The following RSRP1 variants were observed in gnomAD, a reference collection of about 807,000 sequenced individuals.
RSRP1 encodes arginine/serine-rich protein 1.
RSRP1 carries 37 observed loss-of-function variants against 33.0 expected under a neutral mutation model. The ratio of observed to expected loss-of-function variants is 1.12; its 90% CI spans 0.86 to 1.48. RSRP1 has a LOEUF of 1.48. Ranked by LOEUF, RSRP1 falls within the 40% of genes most tolerant of loss-of-function variation. RSRP1 has a pLI of 0.00. For synonymous variants in RSRP1, 167 were observed against 158.7 expected (o/e 1.05, Z -0.40); for missense variants, 402 against 385.3 (o/e 1.04, Z -0.36).
intron 3 of RSRP1, chr1:25,244,553 T>C: frequency 2.3e-6 from 3 of 1,288,340 alleles, no homozygotes; most frequent in Non-Finnish European, 3.0e-6. Context: ...AGTACAGAAT[T>C]TGTGGGAACA....
intron 1 of RSRP1, among the ~76,000 whole-genome samples, chr1:25,254,994 T>C (rs1041243094): frequency 6.6e-5 from 10 of 152,078 alleles, no homozygotes; most frequent in Non-Finnish European, 1.2e-4. Context: ...ATATAACTCT[T>C]CCACGCACAC....
intron 2 of RSRP1, 99 bp downstream of exon 2, chr1:25,246,345 G>T (rs1332235363): frequency 1.3e-5 from 20 of 1,516,572 alleles, no homozygotes; most frequent in Non-Finnish European, 1.8e-5. Flanking sequence ...GGCACTAAAG[G>T]AACTAATATT....
chr1:25,285,653 G>C (rs535952424), intron 1 of RSRP1, among the ~76,000 whole-genome samples: 1 of 135,304 alleles, frequency 7.4e-6, no homozygotes, highest in Non-Finnish European at 1.8e-5. Context: ...CAAAATAACC[G>C]CATGGGGTGC....
rs1405459697 is a variant in RSRP1 at position 25,286,659 on chromosome 1, G to A, written c.-66-39630C>T. Among the ~76,000 whole-genome samples the A allele has an allele frequency of 5.2e-5, 7 of 133,530 alleles. 1 individual carries two copies. The highest frequency in any genetic ancestry group is 1.4e-4 in the Admixed American group (2 of 13,886). 87.6% of individuals were successfully genotyped at this position (133,530 alleles called of 152,430 possible). A position where few individuals can be genotyped will look rare whatever the true frequency, so the allele number is the denominator to read the frequency against. On this transcript the variant is annotated intron_variant, in intron 1 of 1. Coordinates refer to the RSRP1 transcript ENST00000561867. ...AAATTAGCCGGGCGTGGTGGTGGGC[G>A]CCTGTAGTCCCAGCCACTCGGGAGG...
At chr1:25,253,589 G>A (rs1639858013) in intron 1 of RSRP1, 1 of 152,196 alleles carries the variant, frequency 6.6e-6, no homozygotes, top group Non-Finnish European at 1.5e-5. Context: ...TCGAACTCCC[G>A]ACCTCAGGTG....
intron 3 of RSRP1, chr1:25,244,812 C>G: frequency 1.0e-6 from 1 of 955,974 alleles, no homozygotes; most frequent in East Asian, 6.1e-5. Context: ...GCCTCCCAAA[C>G]AGCTGGGACT....
chr1:25,243,361 G>C (rs1160529333), intron 4 of RSRP1, among the ~76,000 whole-genome samples, 189 bp downstream of exon 4: 1 of 152,138 alleles, frequency 6.6e-6, no homozygotes, highest in African/African-American at 2.4e-5. Flanking sequence ...GAACTAACGT[G>C]AATGTTATAT....
Position 25,243,159 on chromosome 1 carries a change from AAAGTG to A in RSRP1, c.756+386_756+390del, listed in dbSNP as rs376277067. On this transcript the variant is annotated intron_variant, in intron 4 of 4. Coordinates refer to ENST00000243189, the MANE Select transcript of RSRP1 (RefSeq NM_020317.5). Reference sequence around the variant, plus strand: ...GAACCTTAATTGTAGCTTGATTCAAAAAGTGAAGTGAAGATACTGGGGCAGCAGGG... The same window carrying A: ...GAACCTTAATTGTAGCTTGATTCAAAAAGTGAAGATACTGGGGCAGCAGGG... Among the ~76,000 whole-genome samples, 6 of 152,328 alleles carry A rather than the reference AAAGTG, an allele frequency of 3.9e-5. No individual in the cohort carries two copies. The East Asian group carries it at 1.2e-3, about 29-fold the overall frequency.
chr1:25,261,402 CTTTCT>C (rs1413777996), intron 1 of RSRP1, among the ~76,000 whole-genome samples: 2 of 149,986 alleles, frequency 1.3e-5, no homozygotes, highest in Admixed American at 1.4e-4. Context: ...AATGTGATTT[CTTTCT>C]TTTTTTTTTT....
At chr1:25,332,236 C>T (rs1366380292) in intron 1 of RSRP1, among the ~76,000 whole-genome samples, 1 of 128,342 alleles carries the variant, frequency 7.8e-6, no homozygotes, top group Non-Finnish European at 1.8e-5. Flanking sequence ...GGGGTTTCAC[C>T]ATGTTGGCCA....
In RSRP1 at chr1:25,332,461, G is replaced by C. The variant is rs1048701941; in HGVS notation, c.-67+5517C>G. On this transcript the variant is annotated intron_variant, in intron 1 of 1. Transcript: ENST00000561867. ...TGATTCTGGGGATATATCCATGAAT[G>C]AACTATAGTCCCTGTTATTAAGTAA... Among the ~76,000 whole-genome samples the C allele has an allele frequency of 2.9e-4, 38 of 132,132 alleles. 9 individuals are homozygous for C. Among genetic ancestry groups the C allele is most frequent in the East Asian group, 5.9e-4 (3 of 5,116 alleles). 86.7% of individuals were successfully genotyped at this position (132,132 alleles called of 152,430 possible). A position where few individuals can be genotyped will look rare whatever the true frequency, so the allele number is the denominator to read the frequency against.
intron 1 of RSRP1, among the ~76,000 whole-genome samples, chr1:25,283,889 G>A (rs551500328): frequency 7.5e-6 from 1 of 134,066 alleles, no homozygotes; most frequent in South Asian, 2.2e-4. Flanking sequence ...CGCTTTGCTG[G>A]GCCCCTCCCT....
At chr1:25,259,606 G>A (rs1241792057) in intron 1 of RSRP1, among the ~76,000 whole-genome samples, 1 of 152,026 alleles carries the variant, frequency 6.6e-6, no homozygotes, top group African/African-American at 2.4e-5. Context: ...AGGTTCAAGT[G>A]ATTCTCCTGC....
At position 25,268,524 on chromosome 1, in the gene RSRP1, A is replaced by G. The variant is rs562926120; in HGVS notation, c.-66-21495T>C. On this transcript the variant is annotated intron_variant, in intron 1 of 1. Coordinates refer to the RSRP1 transcript ENST00000561867. Reference sequence around the variant, plus strand: ...ACAGAGTACTCCGTCTAAAAAAAAAACCTAAATACACAAGTAAAAATATAG... The same window carrying G: ...ACAGAGTACTCCGTCTAAAAAAAAAGCCTAAATACACAAGTAAAAATATAG... 4.3e-4 allele frequency among the ~76,000 whole-genome samples: 56 copies of G among 131,442 alleles called. 10 individuals carry two copies. The highest frequency in any genetic ancestry group is 1.4e-3 in the African/African-American group (55 of 38,658). 86.2% of individuals were successfully genotyped at this position (131,442 alleles called of 152,430 possible).
At chr1:25,317,880 T>C (rs1644491416) in intron 1 of RSRP1, among the ~76,000 whole-genome samples, 1 of 110,426 alleles carries the variant, frequency 9.1e-6, no homozygotes, top group South Asian at 2.8e-4. Flanking sequence ...GAGGGCAGAA[T>C]GGTAGTGAGG....
chr1:25,320,551 G>A (rs186503999), intron 1 of RSRP1, among the ~76,000 whole-genome samples: 1 of 131,826 alleles, frequency 7.6e-6, no homozygotes, highest in Non-Finnish European at 1.8e-5. Flanking sequence ...AGGGAAATAC[G>A]AATCTCACTA....
In RSRP1 at chr1:25,243,575, T is replaced by A; in HGVS notation, c.731A>T (p.Gln244Leu). The change falls in exon 4 of 5, where the codon CAA (glutamine) becomes CTA (leucine). Residue 244 changes from glutamine to leucine, a missense_variant. Transcript: ENST00000243189. Reference sequence around the variant, plus strand: ...ATTAGAGCTAAAAGCTATGCTTCTTTGCTGGGTAGGTTTTTCATTGGGATT... The same window carrying A: ...ATTAGAGCTAAAAGCTATGCTTCTTAGCTGGGTAGGTTTTTCATTGGGATT... ...TRNPNEKPTQ[Q>L]RSIAFSSNNS... 1 of 1,613,902 alleles carries A rather than the reference T, an allele frequency of 6.2e-7. No homozygotes were observed. The highest frequency in any genetic ancestry group is 2.2e-5 in the East Asian group (1 of 44,808).
intron 1 of RSRP1, among the ~76,000 whole-genome samples, chr1:25,291,023 C>A (rs113383254): frequency 7.7e-6 from 1 of 130,680 alleles, no homozygotes; most frequent in South Asian, 2.3e-4. Flanking sequence ...GTGGCATGCA[C>A]CTGTAGTCTC....
At chr1:25,243,884 T>C in intron 3 of RSRP1, 1 of 1,221,028 alleles carries the variant, frequency 8.2e-7, no homozygotes, top group Non-Finnish European at 1.0e-6. Context: ...TTTAATCAGT[T>C]TTCTCAGGTT....
Sources: allele counts gnomAD v4.1 joint callset (sites outside exome capture counted in the v4.1 genomes callset), GRCh38; gene constraint gnomAD v4.1.1; transcripts MANE v1.5; gene names NCBI Gene and HGNC (gene_info 2026-07-23, HGNC 2026-07-21).